The following ARVCF variants were observed in gnomAD, a reference collection of about 807,000 sequenced individuals.
ARVCF encodes the protein ARVCF delta catenin family member.
Under a neutral mutation model 90.9 loss-of-function variants are expected in ARVCF, and 66 were observed. That is an observed-to-expected ratio of 0.73 (90% CI 0.60 to 0.89). The LOEUF is 0.89. ARVCF is among the 40% of genes least tolerant of loss of function. The pLI is 0.00. For synonymous variants in ARVCF, 653 were observed against 603.4 expected (o/e 1.08, Z -1.21); for missense variants, 1,469 against 1,382.3 (o/e 1.06, Z -1.00).
intron 2 of ARVCF, among the ~76,000 whole-genome samples, chr22:19,995,736 T>C (rs1380655141): frequency 1.3e-5 from 2 of 152,178 alleles, no homozygotes; most frequent in Non-Finnish European, 2.9e-5. Context: ...CTGGCTCCCA[T>C]CCTGACCCCT....
chr22:19,999,540 C>T (rs925576896), intron 2 of ARVCF, among the ~76,000 whole-genome samples: 6 of 152,226 alleles, frequency 3.9e-5, no homozygotes, highest in African/African-American at 1.2e-4. Context: ...TCTGCTGACA[C>T]CTGCAGGCAC....
chr22:20,010,684 C>G (rs1944794147), intron 1 of ARVCF, among the ~76,000 whole-genome samples, 176 bp from the exon 2 acceptor site: 1 of 152,216 alleles, frequency 6.6e-6, no homozygotes, highest in African/African-American at 2.4e-5. Context: ...TTCTTGCCCC[C>G]ACATGTCCAG....
chr22:20,012,718 C>T (rs1022509690), intron 1 of ARVCF, among the ~76,000 whole-genome samples: 16 of 152,272 alleles, frequency 1.1e-4, no homozygotes, highest in Non-Finnish European at 1.9e-4. Flanking sequence ...CTCTGTCAGC[C>T]CCTGGCTACA....
chr22:19,968,791 C>T, downstream of ARVCF: 1 of 1,538,298 alleles, frequency 6.5e-7, no homozygotes, highest in Admixed American at 1.8e-5. Flanking sequence ...ACTGAAGGTG[C>T]CAGACGTGCT....
intron 13 of ARVCF, 138 bp downstream of exon 13, chr22:19,973,505 C>T: frequency 7.0e-7 from 1 of 1,428,832 alleles, no homozygotes; most frequent in Non-Finnish European, 9.3e-7. Context: ...CTGGAGCTAC[C>T]TCCAGTTGGG....
chr22:19,970,259 C>G lies in ARVCF; in HGVS notation c.*497G>C. 5 of 992,550 alleles carry G rather than the reference C, an allele frequency of 5.0e-6. No homozygotes were observed. Among genetic ancestry groups the G allele is most frequent in the Non-Finnish European group, 6.0e-6 (5 of 833,822 alleles). The allele number at this position is 992,550 out of a possible 1,614,324, so 61.5% of individuals were successfully genotyped here. On this transcript the variant is annotated 3_prime_UTR_variant, in exon 20 of 20. Transcript: ENST00000263207. Reference sequence around the variant, plus strand: ...GGGCTGGGCCTTGTGGGGCACCCCCCACACCGTGGTCTGCCTGCCTGCAGG... The same window carrying G: ...GGGCTGGGCCTTGTGGGGCACCCCCGACACCGTGGTCTGCCTGCCTGCAGG...
At chr22:19,968,108 G>C (rs545120429), downstream of ARVCF, among the ~76,000 whole-genome samples, 1 of 152,302 alleles carries the variant, frequency 6.6e-6, no homozygotes, top group Admixed American at 6.5e-5. Flanking sequence ...GGGTCACCCT[G>C]GTCAGGCCAA....
At chr22:20,016,311 A>ACGTC (rs1353905445) in intron 1 of ARVCF, among the ~76,000 whole-genome samples, 4 of 151,866 alleles carry the variant, frequency 2.6e-5, no homozygotes, top group African/African-American at 9.7e-5. Context: ...AGACGCCCGG[A>ACGTC]CGGGTAGGGT....
At chr22:19,981,129 G>C in intron 5 of ARVCF, 82 bp downstream of exon 5, 1 of 1,435,558 alleles carries the variant, frequency 7.0e-7, no homozygotes, top group Middle Eastern at 2.5e-4. Context: ...TGCGCCACTT[G>C]ACAAGTGGGG....
In ARVCF at chr22:19,969,969, T is replaced by C; in HGVS notation, c.*787A>G. 1 of 985,666 alleles carries C rather than the reference T, an allele frequency of 1.0e-6. No individual in the cohort carries two copies. The allele number at this position is 985,666 out of a possible 1,614,324, so 61.1% of individuals were successfully genotyped here. ...TTACCAATAGTCTTATTTTGGCTTATTTTTAATGCTTTTTCTCAGTGTTTT... is the reference window on the plus strand; with the variant it reads ...TTACCAATAGTCTTATTTTGGCTTACTTTTAATGCTTTTTCTCAGTGTTTT... On this transcript the variant is annotated 3_prime_UTR_variant, in exon 20 of 20. Transcript: ENST00000263207.
rs754283291 is a variant in ARVCF at position 19,979,786 on chromosome 22, C to T, written c.1353G>A (p.Leu451=). The change falls in exon 6 of 20, where the codon CTG becomes CTA. Residue 451 remains leucine (L), a synonymous_variant. Transcript: ENST00000263207. ...DCGGVPALVR[L]LRAARDNEVR... ...CCTCGTTGTCCCGGGCAGCCCTCAG[C>T]AGGCGCACCAGGGCAGGCACACCAC... 1 of 1,608,192 alleles carries T rather than the reference C, an allele frequency of 6.2e-7. No homozygotes were observed. Among genetic ancestry groups the T allele is most frequent in the South Asian group, 1.1e-5 (1 of 90,362 alleles).
chr22:19,971,107 T>C, intron 19 of ARVCF, 109 bp downstream of exon 19: 20 of 1,528,696 alleles, frequency 1.3e-5, no homozygotes, highest in Non-Finnish European at 1.5e-5. Flanking sequence ...GCCAAAGTCC[T>C]GCGGGGAACG....
intron 4 of ARVCF, 29 bp from the exon 5 acceptor site, chr22:19,981,766 G>T (rs1056688901): frequency 6.4e-7 from 1 of 1,552,610 alleles, no homozygotes; most frequent in Non-Finnish European, 8.7e-7. Context: ...GGTAGGTGGG[G>T]TAGCACGAGA....
intron 16 of ARVCF, 53 bp from the exon 17 acceptor site, chr22:19,972,464 G>C: frequency 6.2e-7 from 1 of 1,608,094 alleles, no homozygotes; most frequent in Non-Finnish European, 8.5e-7. Flanking sequence ...GGGGGATCGG[G>C]GCAGAGAAGC....
intron 2 of ARVCF, among the ~76,000 whole-genome samples, chr22:19,998,827 G>A (rs1281673652): frequency 1.3e-5 from 2 of 152,162 alleles, no homozygotes; most frequent in Admixed American, 6.5e-5. Flanking sequence ...GGCACCAGGT[G>A]TGCCGAGAGG....
chr22:19,972,437 CTGCA>C (rs1247934161), intron 16 of ARVCF, 26 bp from the exon 17 acceptor site: 1 of 1,613,030 alleles, frequency 6.2e-7, no homozygotes, highest in East Asian at 2.2e-5. Flanking sequence ...AGGAGACGGG[CTGCA>C]TGTGGCAGCC....
Position 19,977,397 on chromosome 22 carries a change from C to A in ARVCF, c.1870+18G>T, listed in dbSNP as rs189917341. 4.7e-6 allele frequency: 7 copies of A among 1,497,042 alleles called. No homozygotes were observed. The African/African-American group carries it at 9.9e-5, about 21-fold the overall frequency. The allele number at this position is 1,497,042 out of a possible 1,614,324, so 92.7% of individuals were successfully genotyped here. A position where few individuals can be genotyped will look rare whatever the true frequency, so the allele number is the denominator to read the frequency against. On this transcript the variant is annotated intron_variant, in intron 9 of 19. Coordinates refer to ENST00000263207, the MANE Select transcript of ARVCF (RefSeq NM_001670.3). ...GAGTTGAGATGGTAGAGATGATACCCCAGTCCGCCCCACCCACCTTTGGCC... is the reference window on the plus strand; with the variant it reads ...GAGTTGAGATGGTAGAGATGATACCACAGTCCGCCCCACCCACCTTTGGCC...
rs754080532 is a variant in ARVCF, at chr22:19,981,367, C to G, written c.740G>C (p.Gly247Ala). Residue 247 changes from glycine (G) to alanine (A), a missense_variant, in exon 5 of 20, where the codon GGC becomes GCC. Transcript: ENST00000263207. ...PVGPEPGPPG[G>A]RSLPERFQAE... Reference sequence around the variant, plus strand: ...CTGGAAGCGCTCGGGCAGGGAGCGGCCACCTGGTGGCCCAGGCTCAGGACC... The same window carrying G: ...CTGGAAGCGCTCGGGCAGGGAGCGGGCACCTGGTGGCCCAGGCTCAGGACC... 1.1e-5 allele frequency: 17 copies of G among 1,603,784 alleles called. No individual in the cohort carries two copies. Among genetic ancestry groups the G allele is most frequent in the Admixed American group, 6.8e-5 (4 of 58,932 alleles).
At chr22:20,000,382 C>T (rs1226128378) in intron 2 of ARVCF, among the ~76,000 whole-genome samples, 1 of 152,246 alleles carries the variant, frequency 6.6e-6, no homozygotes, top group African/African-American at 2.4e-5. Flanking sequence ...GCCTAGACAC[C>T]AACCTCCAGC....
Sources: gnomAD v4.1 joint callset for allele counts (sites outside exome capture counted in the v4.1 genomes callset) on GRCh38, gnomAD v4.1.1 for gene constraint, MANE v1.5 for transcripts, NCBI Gene and HGNC (gene_info 2026-07-23, HGNC 2026-07-21) for gene names.